Variants in DPP10 observed in about 807,000 individuals in gnomAD.
DPP10 encodes the protein inactive dipeptidyl peptidase 10.
Under a neutral mutation model 120.9 loss-of-function variants are expected in DPP10, and 33 were observed. The observed-to-expected ratio is 0.27, with a 90% CI of 0.21 to 0.37. The LOEUF (loss-of-function observed/expected upper bound fraction) is 0.37, where lower values mean the gene tolerates loss of function less well. DPP10 is among the 10% of genes least tolerant of loss of function. The pLI is 1.00. For missense variants in DPP10, 816 were observed against 942.8 expected, an observed-to-expected ratio of 0.87 and a Z score of 1.76; for synonymous variants, 337 against 326.1, an observed-to-expected ratio of 1.03 and a Z score of -0.36.
rs974405066 is a variant in DPP10, at chr2:114,675,991, G to C, written c.60+233153G>C. ...ATTTTTGTATTTTTAGTAGAGACAG[G>C]GTTTCACCATGTTGGTCAGGCTGGT... On this transcript the variant is annotated intron_variant, in intron 1 of 25. Coordinates refer to ENST00000410059, the MANE Select transcript of DPP10 (RefSeq NM_020868.6). 2.6e-5 allele frequency among the ~76,000 whole-genome samples: 4 copies of C among 151,980 alleles called. No homozygotes were observed. In the East Asian group the frequency reaches 7.7e-4, roughly 29 times the overall value.
intron 1 of DPP10, among the ~76,000 whole-genome samples, chr2:115,073,027 C>T (rs954897500): frequency 6.6e-6 from 1 of 152,148 alleles, no homozygotes; most frequent in Non-Finnish European, 1.5e-5. Context: ...AGGTGATCCA[C>T]CCACTTCAGC....
intron 1 of DPP10, among the ~76,000 whole-genome samples, chr2:114,986,693 A>G (rs78090266): frequency 0.057 from 8,650 of 152,354 alleles, 302 homozygotes; most frequent in East Asian, 0.12. Context: ...GCAAAAGGCA[A>G]TGAGAATCCA....
intron 1 of DPP10, among the ~76,000 whole-genome samples, chr2:115,167,536 G>A (rs897317395): frequency 2.6e-5 from 4 of 150,988 alleles, no homozygotes; most frequent in Non-Finnish European, 5.9e-5. Flanking sequence ...GAACCTGGGA[G>A]GTCAAGACCA....
chr2:115,028,956 A>T (rs923230766), intron 1 of DPP10, among the ~76,000 whole-genome samples: 1 of 152,012 alleles, frequency 6.6e-6, no homozygotes, highest in African/African-American at 2.4e-5. Flanking sequence ...TGTTTATAGT[A>T]AGGTAGGTTT....
At chr2:115,027,147 A>C (rs1275939962) in intron 1 of DPP10, among the ~76,000 whole-genome samples, 1 of 152,136 alleles carries the variant, frequency 6.6e-6, no homozygotes, top group Non-Finnish European at 1.5e-5. Flanking sequence ...GCGTATAGAA[A>C]TGCTACATTT....
At chr2:115,739,169 A>C (rs1294754238) in intron 8 of DPP10, among the ~76,000 whole-genome samples, 1 of 152,130 alleles carries the variant, frequency 6.6e-6, no homozygotes, top group Non-Finnish European at 1.5e-5. Flanking sequence ...TCTCCTGCCA[A>C]AGGGAAGCCA....
At chr2:115,085,259 T>C (rs11692542) in intron 1 of DPP10, among the ~76,000 whole-genome samples, 36,489 of 152,118 alleles carry the variant, frequency 0.24, 5,103 homozygotes, top group East Asian at 0.31. Context: ...TCCTTTCCCT[T>C]CCCTTCCCAT....
chr2:115,587,414 CTCTGCT>C (rs2082367042), intron 5 of DPP10, among the ~76,000 whole-genome samples: 1 of 152,166 alleles, frequency 6.6e-6, no homozygotes. Context: ...CCATTCTACT[CTCTGCT>C]TCTATGAATT....
chr2:114,589,435 A>G (rs1167164240), intron 1 of DPP10, among the ~76,000 whole-genome samples: 1 of 152,124 alleles, frequency 6.6e-6, no homozygotes, highest in African/African-American at 2.4e-5. Flanking sequence ...AATATTGTAC[A>G]CCTTTCTGTA....
intron 1 of DPP10, among the ~76,000 whole-genome samples, chr2:114,618,994 G>A (rs538337100): frequency 1.6e-4 from 24 of 152,082 alleles, no homozygotes; most frequent in African/African-American, 5.8e-4. Flanking sequence ...TGCCACTACT[G>A]ATTAGCAATA....
chr2:115,534,732 G>T (rs2078697401), intron 5 of DPP10, among the ~76,000 whole-genome samples: 1 of 149,784 alleles, frequency 6.7e-6, no homozygotes, highest in Non-Finnish European at 1.5e-5. Context: ...CACCAACAGT[G>T]TAAAAGTGTT....
intron 1 of DPP10, among the ~76,000 whole-genome samples, chr2:115,013,148 A>G (rs888491861): frequency 3.9e-5 from 6 of 152,138 alleles, no homozygotes; most frequent in East Asian, 1.9e-4. Flanking sequence ...TTTCCTTTCC[A>G]TATTTAGTGC....
chr2:115,608,544 A>G (rs576418412), intron 5 of DPP10, among the ~76,000 whole-genome samples: 16 of 152,172 alleles, frequency 1.1e-4, no homozygotes, highest in Non-Finnish European at 2.1e-4. Flanking sequence ...AGTTGTTCCA[A>G]ATAAAATGGG....
intron 11 of DPP10, among the ~76,000 whole-genome samples, chr2:115,759,591 C>T (rs1679850519): frequency 6.6e-6 from 1 of 152,000 alleles, no homozygotes; most frequent in Admixed American, 6.6e-5. Context: ...GATATGATTA[C>T]ATTAAAATAA....
intron 1 of DPP10, among the ~76,000 whole-genome samples, chr2:115,173,271 C>T (rs535083636): frequency 2.0e-5 from 3 of 152,162 alleles, no homozygotes; most frequent in South Asian, 2.1e-4. Context: ...TAAATACAAT[C>T]TAGGATTAGC....
chr2:115,162,268 G>T, intron 1 of DPP10: 1 of 1,556,818 alleles, frequency 6.4e-7, no homozygotes, highest in East Asian at 2.4e-5. Context: ...GAAGGGGGCA[G>T]AGAGGTAAAG....
In DPP10 at chr2:114,633,858, G is replaced by A. The variant is rs553487472; in HGVS notation, c.60+191020G>A. ...TTGAACTCCTGACCTCAAGTGATCC[G>A]CTGGCCTTAGCCTCACAAAGTGCTA... On this transcript the variant is annotated intron_variant, in intron 1 of 25. Coordinates refer to ENST00000410059, the MANE Select transcript of DPP10 (RefSeq NM_020868.6). Among the ~76,000 whole-genome samples the A allele has an allele frequency of 3.3e-5, 5 of 151,654 alleles. 1 individual carries two copies. Among genetic ancestry groups the A allele is most frequent in the African/African-American group, 1.2e-4 (5 of 41,054 alleles).
intron 1 of DPP10, among the ~76,000 whole-genome samples, chr2:114,822,421 C>T (rs1307394419): frequency 6.6e-6 from 1 of 152,100 alleles, no homozygotes; most frequent in Non-Finnish European, 1.5e-5. Flanking sequence ...TTCCTCTTAG[C>T]CTCTCAGCCT....
intron 1 of DPP10, among the ~76,000 whole-genome samples, chr2:114,541,702 A>G (rs1468669596): frequency 6.6e-6 from 1 of 152,222 alleles, no homozygotes; most frequent in African/African-American, 2.4e-5. Context: ...AAGCACATTG[A>G]CAGAAAGTTT....
Sources: allele counts gnomAD v4.1 joint callset (sites outside exome capture counted in the v4.1 genomes callset), GRCh38; gene constraint gnomAD v4.1.1; transcripts MANE v1.5; gene names NCBI Gene and HGNC (gene_info 2026-07-23, HGNC 2026-07-21).